The following USP7 variants were observed in gnomAD, a reference collection of about 807,000 sequenced individuals.
USP7 encodes the protein ubiquitin specific peptidase 7.
USP7 carries 9 observed loss-of-function variants against 162.9 expected under a neutral mutation model. The ratio of observed to expected loss-of-function variants is 0.06; its 90% CI spans 0.03 to 0.10. USP7 has a LOEUF of 0.10. USP7 is among the 10% of genes least tolerant of loss of function. The pLI is 1.00. For synonymous variants in USP7, 562 were observed against 475.9 expected (o/e 1.18, Z -2.35); for missense variants, 715 against 1,373.7 (o/e 0.52, Z 7.58).
chr16:8,916,682 G>T (rs1596373902), intron 7 of USP7, 126 bp from the exon 8 acceptor site: 1 of 996,774 alleles, frequency 1.0e-6, no homozygotes, highest in East Asian at 2.6e-5. Context: ...TTTCTGTGAA[G>T]ATTATTTTTG....
chr16:8,905,357 C>T, intron 13 of USP7, 26 bp from the exon 14 acceptor site: 1 of 1,610,414 alleles, frequency 6.2e-7, no homozygotes, highest in South Asian at 1.1e-5. Context: ...CACACACCAG[C>T]AGCGATCAAG....
At chr16:8,913,343 G>A (rs979959895) in intron 10 of USP7, among the ~76,000 whole-genome samples, 4 of 152,106 alleles carry the variant, frequency 2.6e-5, no homozygotes, top group African/African-American at 9.7e-5. Flanking sequence ...GCAACAGAGC[G>A]AGACTCCCTC....
chr16:8,931,636 G>A (rs1056615189), intron 1 of USP7, among the ~76,000 whole-genome samples: 3 of 152,204 alleles, frequency 2.0e-5, no homozygotes, highest in African/African-American at 7.2e-5. Context: ...CTCAAGTTCG[G>A]ATTCAAAACA....
At chr16:8,914,378 G>A (rs181741199) in intron 10 of USP7, among the ~76,000 whole-genome samples, 17 of 151,582 alleles carry the variant, frequency 1.1e-4, no homozygotes, top group Admixed American at 2.0e-4. Flanking sequence ...GATCCATCAA[G>A]CTGGACATAC....
intron 10 of USP7, among the ~76,000 whole-genome samples, chr16:8,911,384 C>T (rs1433633447): frequency 6.6e-6 from 1 of 152,122 alleles, no homozygotes; most frequent in Non-Finnish European, 1.5e-5. Flanking sequence ...ACACTATTTC[C>T]CTAAAATTAA....
Position 8,894,103 on chromosome 16 carries a change from A to T in USP7, c.3204T>A (p.Gly1068=), listed in dbSNP as rs2061645058. Residue 1068 remains glycine (G), a splice_region_variant and synonymous_variant, in exon 31 of 31, where the codon GGT becomes GGA. Transcript: ENST00000344836. ...VNLKDFEPQP[G]NMSHPRPWLG... ...GCCAAGGCCGAGGATGAGACATATT[A>T]CCTGGTGGGGATGAAGAAAAGCAAG... 7 of 1,614,004 alleles carry T rather than the reference A, an allele frequency of 4.3e-6. No individual in the cohort carries two copies. The highest frequency in any genetic ancestry group is 5.1e-6 in the Non-Finnish European group (6 of 1,179,912).
At chr16:8,894,225 C>T (rs2061646858) in intron 30 of USP7, 121 bp from the exon 31 acceptor site, 1 of 937,826 alleles carries the variant, frequency 1.1e-6, no homozygotes, top group Admixed American at 1.9e-5. Flanking sequence ...GCAGGGAAGC[C>T]AGGACCTGAG....
At position 8,905,308 on chromosome 16, in the gene USP7, C is replaced by T. The variant is rs781766616; in HGVS notation, c.1452G>A (p.Val484=). 2 of 1,614,060 alleles carry T rather than the reference C, an allele frequency of 1.2e-6. No individual in the cohort carries two copies. Among genetic ancestry groups the T allele is most frequent in the Non-Finnish European group, 1.7e-6 (2 of 1,179,978 alleles). The change falls in exon 14 of 31, where the codon GTG becomes GTA. Residue 484 remains valine, a synonymous_variant. Transcript: ENST00000344836. ...DGKWCKFDDD[V]VSRCTKEEAI... is the part of the protein sequence containing the mutation. ...CTTCCTCTTTAGTACACCTTGACAC[C>T]ACGTCGTCATCAAATTTACACCACT...
chr16:8,952,756 G>A (rs551308092), intron 1 of USP7, among the ~76,000 whole-genome samples: 2 of 152,236 alleles, frequency 1.3e-5, no homozygotes, highest in African/African-American at 4.8e-5. Flanking sequence ...GCAAACCACA[G>A]ACCCTAAACC....
At chr16:8,943,226 C>CA (rs1270303702) in intron 1 of USP7, among the ~76,000 whole-genome samples, 1 of 152,090 alleles carries the variant, frequency 6.6e-6, no homozygotes. Context: ...TCCTAACTAC[C>CA]AAAAGTGCCT....
chr16:8,956,180 G>A (rs1899791539), intron 1 of USP7: 1 of 152,152 alleles, frequency 6.6e-6, no homozygotes, highest in Non-Finnish European at 1.5e-5. Flanking sequence ...CAAAAAAGAG[G>A]GGCCTGGATT....
At chr16:8,897,848 G>C (rs1193863910) in intron 25 of USP7, among the ~76,000 whole-genome samples, 1 of 150,184 alleles carries the variant, frequency 6.7e-6, no homozygotes, top group Non-Finnish European at 1.5e-5. Context: ...GTCGTGGGCT[G>C]TGATGGTGCC....
At chr16:8,916,907 C>A in intron 7 of USP7, 119 bp downstream of exon 7, 1 of 1,170,750 alleles carries the variant, frequency 8.5e-7, no homozygotes, top group East Asian at 2.6e-5. Context: ...ATGCTCAAGC[C>A]TCCCTAAATT....
intron 1 of USP7, among the ~76,000 whole-genome samples, chr16:8,956,787 AAAC>A (rs1555472224): frequency 2.0e-5 from 3 of 151,200 alleles, no homozygotes; most frequent in African/African-American, 7.3e-5. Context: ...AAAAAAAAAA[AAAC>A]ACTGAATTTG....
Position 8,911,888 on chromosome 16 carries a change from G to A in USP7, c.1079-1061C>T, listed in dbSNP as rs541883254. On this transcript the variant is annotated intron_variant, in intron 10 of 30. Transcript: ENST00000344836. ...GGGGGGAACAACCTTCAGAGCTCAC[G>A]ACAGGCTGGGAAGTCTGTGTTCCCA... is the stretch of plus-strand genomic sequence containing the variant. Among the ~76,000 whole-genome samples, 30 of 152,302 alleles carry A rather than the reference G, an allele frequency of 2.0e-4. 1 individual carries two copies. The South Asian group carries it at 5.4e-3, about 27-fold the overall frequency.
chr16:8,897,283 C>T, intron 25 of USP7, 184 bp from the exon 26 acceptor site: 1 of 592,802 alleles, frequency 1.7e-6, no homozygotes, highest in Non-Finnish European at 3.0e-6. Context: ...GACACTGGCC[C>T]TAATCTAGGA....
rs1403234559 is a variant in USP7, at chr16:8,892,300, C to T, written c.*1698G>A. On this transcript the variant is annotated 3_prime_UTR_variant, in exon 31 of 31. Coordinates refer to ENST00000344836, the MANE Select transcript of USP7 (RefSeq NM_003470.3). ...GGGAAGGGCCAGGTCCGCGGGGACCCTCACTCCCTGCTTTCTATCACACGG... is the reference window on the plus strand; with the variant it reads ...GGGAAGGGCCAGGTCCGCGGGGACCTTCACTCCCTGCTTTCTATCACACGG... The T allele has an allele frequency of 6.6e-6, 1 of 152,330 alleles. No individual in the cohort carries two copies. The highest frequency in any genetic ancestry group is 1.5e-5 in the Non-Finnish European group (1 of 68,132). 9.4% of individuals were successfully genotyped at this position (152,330 alleles called of 1,614,324 possible).
At chr16:8,944,276 C>A (rs1388369481) in intron 1 of USP7, among the ~76,000 whole-genome samples, 1 of 151,470 alleles carries the variant, frequency 6.6e-6, no homozygotes, top group East Asian at 1.9e-4. Flanking sequence ...AGGCTTGACA[C>A]CCCCTTGGCA....
At chr16:8,894,501 TTC>T in intron 30 of USP7, 47 bp downstream of exon 30, 1 of 1,585,710 alleles carries the variant, frequency 6.3e-7, no homozygotes, top group Non-Finnish European at 8.6e-7. Flanking sequence ...GACCACTTGT[TTC>T]TTAGTCTGAA....
Sources: gnomAD v4.1 joint callset for allele counts (sites outside exome capture counted in the v4.1 genomes callset) on GRCh38, gnomAD v4.1.1 for gene constraint, MANE v1.5 for transcripts, NCBI Gene and HGNC (gene_info 2026-07-23, HGNC 2026-07-21) for gene names.